Variants in BFSP1 observed in about 807,000 individuals in gnomAD.
BFSP1 encodes the protein beaded filament structural protein 1, also known as filensin.
A neutral mutation model predicts 43.9 loss-of-function variants in BFSP1; 38 were observed. The observed-to-expected ratio is 0.87, with a 90% CI of 0.67 to 1.14. The LOEUF is 1.14. Among genes scored for constraint, BFSP1 ranks in the 50% most tolerant of loss-of-function variants. BFSP1 has a pLI of 0.00. For synonymous variants in BFSP1, 352 were observed against 354.8 expected (o/e 0.99, Z 0.09); for missense variants, 850 against 875.1 (o/e 0.97, Z 0.36).
Position 17,509,025 on chromosome 20 carries a change from A to G in BFSP1, c.628-29T>C, listed in dbSNP as rs559246402. The G allele has an allele frequency of 6.1e-4, 913 of 1,499,662 alleles. 21 individuals are homozygous for G. In the South Asian group the frequency reaches 0.011, roughly 18 times the overall value. The allele number at this position is 1,499,662 out of a possible 1,614,324, so 92.9% of individuals were successfully genotyped here. On this transcript the variant is annotated intron_variant, in intron 4 of 7. Transcript: ENST00000377873. ...CACAGAGAAGGCCAGAGTCAGACTC[A>G]TGGGACATGCAGAGAGGAAAAGGGC...
intron 1 of BFSP1, among the ~76,000 whole-genome samples, chr20:17,553,866 TATATACATATATATATATACACAC>T (rs2034946166): frequency 7.8e-6 from 1 of 128,632 alleles, no homozygotes; most frequent in Admixed American, 7.9e-5. Context: ...TATACACATA[TATATACATATATATATATACACAC>T]ATATATATTT....
At chr20:17,497,486 GT>G (rs2033667037) in intron 6 of BFSP1, among the ~76,000 whole-genome samples, 1 of 116,048 alleles carries the variant, frequency 8.6e-6, no homozygotes, top group East Asian at 2.6e-4. Flanking sequence ...ATATACGTGT[GT>G]ATATATATAT....
At chr20:17,568,595 C>A (rs1170291737) in intron 1 of BFSP1, among the ~76,000 whole-genome samples, 2 of 152,122 alleles carry the variant, frequency 1.3e-5, no homozygotes, top group African/African-American at 4.8e-5. Context: ...GCACACAAAT[C>A]TAGCTTTGAA....
chr20:17,514,677 A>T, intron 3 of BFSP1, 44 bp downstream of exon 3: 1 of 1,591,536 alleles, frequency 6.3e-7, no homozygotes, highest in Non-Finnish European at 8.6e-7. Flanking sequence ...GATCAAACCC[A>T]AACTGGGTTT....
At position 17,531,292 on chromosome 20, in the gene BFSP1, T is replaced by C. The variant is rs759963940; in HGVS notation, c.38A>G (p.Glu13Gly). The C allele has an allele frequency of 2.7e-6, 4 of 1,475,076 alleles. No homozygotes were observed. Among genetic ancestry groups the C allele is most frequent in the South Asian group, 1.3e-5 (1 of 77,354 alleles). 91.4% of individuals were successfully genotyped at this position (1,475,076 alleles called of 1,614,324 possible). A position where few individuals can be genotyped will look rare whatever the true frequency, so the allele number is the denominator to read the frequency against. ...RRSYVFQTRKEQYEHADEASR... is the reference protein window; with the variant it reads ...RRSYVFQTRKGQYEHADEASR... ...AGCCTCGTCGGCGTGCTCGTACTGC[T>C]CCTTGCGGGTCTGGAAGACGTAGCT... The change falls in exon 1 of 8, where the codon GAG (glutamate) becomes GGG (glycine). Residue 13 changes from glutamate (E) to glycine (G), a missense_variant. Physicochemically the swap from Glu to Gly is moderately conservative, Grantham distance 98. Coordinates refer to ENST00000377873, the MANE Select transcript of BFSP1 (RefSeq NM_001195.5).
upstream of BFSP1, chr20:17,563,059 C>T (rs1020905462): frequency 6.6e-6 from 1 of 152,248 alleles, no homozygotes; most frequent in Non-Finnish European, 1.5e-5. Context: ...CTGTACTCCT[C>T]TGGGCTCCCA....
intron 1 of BFSP1, among the ~76,000 whole-genome samples, chr20:17,552,029 T>G (rs1356353352): frequency 6.6e-6 from 1 of 152,096 alleles, no homozygotes; most frequent in Non-Finnish European, 1.5e-5. Flanking sequence ...TGATCCCTGT[T>G]CTTGTGGAGC....
chr20:17,559,101 G>A (rs117146477), upstream of BFSP1: 4,644 of 175,260 alleles, frequency 0.026, 103 homozygotes, highest in Non-Finnish European at 0.039. Flanking sequence ...TCATTTACAC[G>A]TAAGGATGTT....
rs34519380 is a variant in BFSP1 at position 17,547,734 on chromosome 20, CT to C, written c.2+10953del. Among the ~76,000 whole-genome samples the C allele has an allele frequency of 8.4e-3, 1,150 of 136,128 alleles. 11 individuals are homozygous for C. Among genetic ancestry groups the C allele is most frequent in the African/African-American group, 0.024 (895 of 37,050 alleles). The allele number at this position is 136,128 out of a possible 152,430, so 89.3% of individuals were successfully genotyped here. ...AGACATGTTTTTTTTCTTTTTCTTT[CT>C]TTTTTTTTTTTTTTGAAACAAGGTC... On this transcript the variant is annotated intron_variant, in intron 1 of 7. Transcript: ENST00000377868.
At chr20:17,513,520 G>A in intron 3 of BFSP1, among the ~76,000 whole-genome samples, 1 of 152,308 alleles carries the variant, frequency 6.6e-6, no homozygotes, top group Middle Eastern at 3.4e-3. Flanking sequence ...TGGGTGGGGA[G>A]GAGGAAATGG....
chr20:17,520,211 C>CT (rs201307572), intron 2 of BFSP1, among the ~76,000 whole-genome samples: 82 of 95,226 alleles, frequency 8.6e-4, no homozygotes, highest in Admixed American at 1.8e-3. Flanking sequence ...TTTTAACGTG[C>CT]CCCCCCACCC....
chr20:17,556,173 C>A (rs759360632), intron 1 of BFSP1, among the ~76,000 whole-genome samples: 1 of 152,048 alleles, frequency 6.6e-6, no homozygotes, highest in Non-Finnish European at 1.5e-5. Flanking sequence ...CAAATGAAAT[C>A]TTGGTGGTAG....
At chr20:17,524,031 A>C (rs1243554547) in intron 2 of BFSP1, among the ~76,000 whole-genome samples, 5 of 152,134 alleles carry the variant, frequency 3.3e-5, no homozygotes, top group Non-Finnish European at 5.9e-5. Flanking sequence ...TAGGCATGGA[A>C]GGGGCGGGGA....
upstream of BFSP1, among the ~76,000 whole-genome samples, chr20:17,559,137 T>C (rs2035042722): frequency 6.6e-6 from 1 of 152,090 alleles, no homozygotes; most frequent in African/African-American, 2.4e-5. Context: ...TGATCTCTTG[T>C]GTCAATCAGC....
intron 1 of BFSP1, among the ~76,000 whole-genome samples, chr20:17,546,680 G>A (rs1322693957): frequency 6.6e-6 from 1 of 151,804 alleles, no homozygotes; most frequent in East Asian, 1.9e-4. Context: ...TTCCAGCCTG[G>A]GCAACAGAGT....
intron 1 of BFSP1, among the ~76,000 whole-genome samples, chr20:17,566,416 A>T (rs984457614): frequency 1.3e-5 from 2 of 152,234 alleles, no homozygotes; most frequent in African/African-American, 2.4e-5. Flanking sequence ...ATTGAAATAT[A>T]CCAATCTCAT....
upstream of BFSP1, among the ~76,000 whole-genome samples, chr20:17,563,687 T>C (rs1255329900): frequency 6.6e-6 from 1 of 151,976 alleles, no homozygotes; most frequent in East Asian, 1.9e-4. Context: ...TGGATGCTTA[T>C]GCTGGGCAAC....
Position 17,525,840 on chromosome 20 carries a change from T to C in BFSP1, c.378-932A>G, listed in dbSNP as rs2034407765. On this transcript the variant is annotated intron_variant, in intron 1 of 7. Coordinates refer to ENST00000377873, the MANE Select transcript of BFSP1 (RefSeq NM_001195.5). This position sits in a 1 kb window ranked among gnomAD's most constrained non-coding sequence, Gnocchi z 4.2. ...TTCCTTGCAGCCAGGTGTGGCCATGTGACTAAGTCCTGACCAATGGGATGG... is the reference window on the plus strand; with the variant it reads ...TTCCTTGCAGCCAGGTGTGGCCATGCGACTAAGTCCTGACCAATGGGATGG... Among the ~76,000 whole-genome samples the C allele has an allele frequency of 6.6e-6, 1 of 152,144 alleles. No homozygotes were observed. The highest frequency in any genetic ancestry group is 6.5e-5 in the Admixed American group (1 of 15,270).
upstream of BFSP1, chr20:17,531,453 C>T: frequency 8.4e-7 from 1 of 1,190,756 alleles, no homozygotes; most frequent in Non-Finnish European, 1.0e-6. Context: ...GTTCCAGAGC[C>T]GATCAGCAGT....
Sources: allele counts gnomAD v4.1 joint callset (sites outside exome capture counted in the v4.1 genomes callset), GRCh38; gene constraint gnomAD v4.1.1; non-coding constraint Gnocchi (gnomAD v3.1); transcripts MANE v1.5; gene names NCBI Gene and HGNC (gene_info 2026-07-23, HGNC 2026-07-21).